The following GHR variants were observed in gnomAD, a reference collection of about 807,000 sequenced individuals.
The protein encoded by GHR is growth hormone receptor.
GHR carries 35 observed loss-of-function variants against 67.1 expected under a neutral mutation model. The observed-to-expected ratio is 0.52, with a 90% CI of 0.40 to 0.69. The LOEUF (loss-of-function observed/expected upper bound fraction) is 0.69, where lower values mean the gene tolerates loss of function less well. GHR is among the 30% of genes least tolerant of loss of function. The pLI is 0.00. For missense variants in GHR, 792 were observed against 764.6 expected (o/e 1.04, Z -0.42); for synonymous variants, 272 against 269.1 (o/e 1.01, Z -0.10).
At chr5:42,612,485 GT>G (rs936125861) in intron 2 of GHR, among the ~76,000 whole-genome samples, 1 of 151,748 alleles carries the variant, frequency 6.6e-6, no homozygotes, top group East Asian at 1.9e-4. Context: ...TTTAACTGTT[GT>G]TTTTTTTAAT....
intron 1 of GHR, among the ~76,000 whole-genome samples, chr5:42,487,719 A>G (rs1269326623): frequency 6.6e-6 from 1 of 152,214 alleles, no homozygotes; most frequent in African/African-American, 2.4e-5. Flanking sequence ...GTCTTCTGAT[A>G]TAGGAAGATC....
chr5:42,445,815 T>C (rs1743784286), intron 1 of GHR, among the ~76,000 whole-genome samples: 2 of 152,254 alleles, frequency 1.3e-5, no homozygotes, highest in South Asian at 4.1e-4. Flanking sequence ...GTTGGGTTTT[T>C]AAAATGTATT....
chr5:42,456,324 A>G (rs1204290818), intron 1 of GHR, among the ~76,000 whole-genome samples: 3 of 152,176 alleles, frequency 2.0e-5, no homozygotes, highest in Non-Finnish European at 1.5e-5. Context: ...TAAATAAATA[A>G]ATAAAAATTA....
At chr5:42,446,366 G>A (rs34509769) in intron 1 of GHR, among the ~76,000 whole-genome samples, 24,732 of 152,184 alleles carry the variant, frequency 0.16, 2,240 homozygotes, top group Middle Eastern at 0.27. Context: ...GCCCATAACC[G>A]TGGGGATATA....
At position 42,577,420 on chromosome 5, in the gene GHR, AT is replaced by A. The variant is rs994425114; in HGVS notation, c.70+11485del. ...TTACTCCATTATATCTACTTAGGAA[AT>A]TTTTTTTTAAAATAACTGATAGATG... On this transcript the variant is annotated intron_variant, in intron 2 of 9. Coordinates refer to ENST00000230882, the MANE Select transcript of GHR (RefSeq NM_000163.5). Among the ~76,000 whole-genome samples the A allele has an allele frequency of 1.9e-3, 283 of 151,908 alleles. 1 individual carries two copies. Among genetic ancestry groups the A allele is most frequent in the African/African-American group, 6.4e-3 (264 of 41,460 alleles).
chr5:42,467,471 A>G, intron 1 of GHR: 1 of 998,154 alleles, frequency 1.0e-6, no homozygotes, highest in South Asian at 1.4e-5. Flanking sequence ...CATTTACAGC[A>G]TTTTTCTGTA....
At chr5:42,715,812 A>T (rs1758692621) in intron 8 of GHR, among the ~76,000 whole-genome samples, 1 of 152,236 alleles carries the variant, frequency 6.6e-6, no homozygotes. Context: ...GTGAAACTAA[A>T]CAAGGCAGCA....
intron 3 of GHR, among the ~76,000 whole-genome samples, chr5:42,682,099 A>T (rs1396459847): frequency 6.6e-6 from 1 of 152,198 alleles, no homozygotes; most frequent in African/African-American, 2.4e-5. Flanking sequence ...ATAAAAAAGG[A>T]TGAGTTCACG....
At chr5:42,604,792 C>A (rs2112647013) in intron 2 of GHR, among the ~76,000 whole-genome samples, 1 of 146,588 alleles carries the variant, frequency 6.8e-6, no homozygotes, top group East Asian at 2.0e-4. Context: ...TATTTTCTAT[C>A]TTTTTGTTGA....
In GHR at chr5:42,694,841, A is replaced by G. The variant is rs907149132; in HGVS notation, c.267-76A>G. The G allele has an allele frequency of 3.7e-6, 4 of 1,076,178 alleles. No individual in the cohort carries two copies. In the Admixed American group the frequency reaches 6.8e-5, roughly 18 times the overall value. 66.7% of individuals were successfully genotyped at this position (1,076,178 alleles called of 1,614,324 possible). A position where few individuals can be genotyped will look rare whatever the true frequency, so the allele number is the denominator to read the frequency against. ...GTCTTCCAATTTATTGAATCAGACT[A>G]TCAAGCACCTTACTTGGACTTAAGC... On this transcript the variant is annotated intron_variant, in intron 4 of 9. Transcript: ENST00000230882.
chr5:42,661,546 G>C (rs1755623691), intron 3 of GHR, among the ~76,000 whole-genome samples: 1 of 152,148 alleles, frequency 6.6e-6, no homozygotes, highest in Non-Finnish European at 1.5e-5. Flanking sequence ...TTACAGACAA[G>C]CAAATGCTGA....
intron 1 of GHR, among the ~76,000 whole-genome samples, chr5:42,430,178 C>G (rs960468325): frequency 1.3e-5 from 2 of 152,176 alleles, no homozygotes. Flanking sequence ...TCTTAGCTGC[C>G]TTGGAAGAAG....
At chr5:42,576,046 T>TAA (rs66522211) in intron 2 of GHR, among the ~76,000 whole-genome samples, 4,950 of 55,974 alleles carry the variant, frequency 0.088, 598 homozygotes, top group African/African-American at 0.19. Context: ...AAAATTAAAA[T>TAA]AATAAAATAA....
At chr5:42,588,743 A>G (rs1221454900) in intron 2 of GHR, among the ~76,000 whole-genome samples, 1 of 152,132 alleles carries the variant, frequency 6.6e-6, no homozygotes, top group Non-Finnish European at 1.5e-5. Flanking sequence ...TGATAAATCC[A>G]TATGAATGTC....
chr5:42,700,855 T>G (rs1579638687), intron 6 of GHR, among the ~76,000 whole-genome samples: 2 of 152,152 alleles, frequency 1.3e-5, no homozygotes, highest in African/African-American at 4.8e-5. Context: ...TGGAGGAAAT[T>G]TGAGTAGTTA....
intron 3 of GHR, among the ~76,000 whole-genome samples, chr5:42,659,908 T>C (rs755459949): frequency 3.3e-5 from 5 of 152,134 alleles, no homozygotes; most frequent in Non-Finnish European, 7.4e-5. Context: ...CCCACCCTAA[T>C]ACTGCGCTTT....
chr5:42,686,372 TA>T, intron 3 of GHR, among the ~76,000 whole-genome samples: 1 of 151,718 alleles, frequency 6.6e-6, no homozygotes, highest in East Asian at 1.9e-4. Flanking sequence ...AGAGACACAA[TA>T]AAAAAAGAAA....
intron 1 of GHR, among the ~76,000 whole-genome samples, chr5:42,429,609 T>A (rs1743002096): frequency 6.6e-6 from 1 of 152,230 alleles, no homozygotes. Context: ...AAAGCATTTT[T>A]ATAATAGCTT....
At chr5:42,450,764 A>G (rs994216518) in intron 1 of GHR, among the ~76,000 whole-genome samples, 1 of 152,092 alleles carries the variant, frequency 6.6e-6, no homozygotes, top group African/African-American at 2.4e-5. Context: ...TGATTTAGGC[A>G]TTTAAAACTA....
Sources: gnomAD v4.1 joint callset for allele counts (sites outside exome capture counted in the v4.1 genomes callset) on GRCh38, gnomAD v4.1.1 for gene constraint, MANE v1.5 for transcripts, NCBI Gene and HGNC (gene_info 2026-07-23, HGNC 2026-07-21) for gene names.